Variants in GRM1 observed in about 807,000 individuals in gnomAD.
The protein encoded by GRM1 is metabotropic glutamate receptor 1.
A neutral mutation model predicts 90.9 loss-of-function variants in GRM1; 33 were observed. The observed-to-expected ratio is 0.36, with a 90% CI of 0.28 to 0.49. The LOEUF is 0.49. Among genes scored for constraint, GRM1 ranks in the 20% least tolerant of loss-of-function variants. GRM1 has a pLI of 0.99. For missense variants in GRM1, 1,190 were observed against 1,534.3 expected (o/e 0.78, Z 3.75); for synonymous variants, 700 against 613.2 (o/e 1.14, Z -2.09).
intron 2 of GRM1, among the ~76,000 whole-genome samples, chr6:146,274,797 A>G (rs914171845): frequency 1.3e-5 from 2 of 152,206 alleles, no homozygotes; most frequent in Non-Finnish European, 2.9e-5. Flanking sequence ...TAGTCACATG[A>G]CACAAAAATG....
intron 2 of GRM1, among the ~76,000 whole-genome samples, chr6:146,294,550 C>A (rs1370806348): frequency 6.6e-6 from 1 of 151,980 alleles, no homozygotes; most frequent in Non-Finnish European, 1.5e-5. Flanking sequence ...AAGAAGGAGA[C>A]CTTATACATG....
At chr6:146,069,647 A>T (rs1775962720) in intron 1 of GRM1, among the ~76,000 whole-genome samples, 1 of 152,188 alleles carries the variant, frequency 6.6e-6, no homozygotes, top group African/African-American at 2.4e-5. Context: ...AACACTGTCA[A>T]TTCCAAGTTG....
chr6:146,394,842 C>A (rs913389580), intron 6 of GRM1, among the ~76,000 whole-genome samples: 9 of 152,114 alleles, frequency 5.9e-5, no homozygotes, highest in Non-Finnish European at 1.3e-4. Context: ...CAACCATATA[C>A]AATCCATCTG....
At chr6:146,160,449 A>G (rs1044179489) in intron 2 of GRM1, among the ~76,000 whole-genome samples, 1 of 152,208 alleles carries the variant, frequency 6.6e-6, no homozygotes, top group Non-Finnish European at 1.5e-5. Context: ...CTAATATTGC[A>G]TAAATAACCT....
chr6:146,380,247 A>C (rs6905525), intron 5 of GRM1, among the ~76,000 whole-genome samples: 66,249 of 151,892 alleles, frequency 0.44, 14,593 homozygotes, highest in African/African-American at 0.5. Context: ...TGGGAGTCAA[A>C]GACTAGAGTC....
chr6:146,397,501 A>T (rs999860767), intron 6 of GRM1, among the ~76,000 whole-genome samples: 111 of 151,324 alleles, frequency 7.3e-4, no homozygotes, highest in Non-Finnish European at 1.3e-3. Context: ...AAAAAAAAAA[A>T]AAAAGCACAA....
chr6:146,098,294 A>G (rs1672341426), intron 1 of GRM1, among the ~76,000 whole-genome samples: 1 of 152,200 alleles, frequency 6.6e-6, no homozygotes, highest in African/African-American at 2.4e-5. Flanking sequence ...TGCCTTGGTA[A>G]GTTGCTTACC....
chr6:146,085,475 T>C (rs1021155933), intron 1 of GRM1, among the ~76,000 whole-genome samples: 2 of 152,156 alleles, frequency 1.3e-5, no homozygotes, highest in African/African-American at 4.8e-5. Flanking sequence ...TGACCAGCTG[T>C]TTTTAGATCA....
intron 1 of GRM1, among the ~76,000 whole-genome samples, chr6:146,047,586 A>C (rs1011404144): frequency 1.3e-5 from 2 of 151,742 alleles, no homozygotes; most frequent in Admixed American, 1.3e-4. Flanking sequence ...AAAAAAAAAA[A>C]AAAAACCTGC....
chr6:146,205,930 C>T (rs924271179), intron 2 of GRM1, among the ~76,000 whole-genome samples: 6 of 152,110 alleles, frequency 3.9e-5, no homozygotes, highest in African/African-American at 1.2e-4. Context: ...CCCAGGGAGG[C>T]GGGAGCAGAG....
intron 3 of GRM1, among the ~76,000 whole-genome samples, chr6:146,313,110 A>G (rs1783833601): frequency 6.6e-6 from 1 of 152,238 alleles, no homozygotes; most frequent in Non-Finnish European, 1.5e-5. Context: ...GACTTGAGGT[A>G]TAAAAATGGA....
chr6:146,309,918 A>G (rs1783717388), intron 3 of GRM1, among the ~76,000 whole-genome samples: 1 of 152,222 alleles, frequency 6.6e-6, no homozygotes, highest in African/African-American at 2.4e-5. Context: ...TAACTGTATG[A>G]GTTCATGGGG....
At chr6:146,173,389 C>CAAA (rs71028382) in intron 2 of GRM1, among the ~76,000 whole-genome samples, 1 of 82,480 alleles carries the variant, frequency 1.2e-5, no homozygotes, top group African/African-American at 4.1e-5. Context: ...AACTCTGTCT[C>CAAA]AAAAAAAAAA....
chr6:146,280,119 T>C lies in GRM1; in HGVS notation c.951-24492T>C, dbSNP rs1782513459. 1.3e-5 allele frequency among the ~76,000 whole-genome samples: 2 copies of C among 152,184 alleles called. 1 individual carries two copies. The highest frequency in any genetic ancestry group is 4.1e-4 in the South Asian group (2 of 4,828). ...TTGCTCTCATCTTCTTGGACTTCAATTATGTGCACATTTCTGCCACCCTGA... is the reference window on the plus strand; with the variant it reads ...TTGCTCTCATCTTCTTGGACTTCAACTATGTGCACATTTCTGCCACCCTGA... On this transcript the variant is annotated intron_variant, in intron 2 of 7. Transcript: ENST00000282753.
At chr6:146,407,884 C>T (rs186010787) in intron 7 of GRM1, among the ~76,000 whole-genome samples, 3 of 152,300 alleles carry the variant, frequency 2.0e-5, no homozygotes, top group East Asian at 1.9e-4. Flanking sequence ...GTTACAATCT[C>T]ATTGTGTGCA....
At chr6:146,377,664 T>A (rs1291441587) in intron 5 of GRM1, among the ~76,000 whole-genome samples, 1 of 152,112 alleles carries the variant, frequency 6.6e-6, no homozygotes, top group Non-Finnish European at 1.5e-5. Context: ...GCATAAGCAA[T>A]GAGTAGCCCA....
At chr6:146,177,599 G>GA (rs151157502) in intron 2 of GRM1, among the ~76,000 whole-genome samples, 1 of 151,876 alleles carries the variant, frequency 6.6e-6, no homozygotes, top group Admixed American at 6.6e-5. Context: ...TACTGTTTTG[G>GA]AAAAAAATGA....
intron 2 of GRM1, among the ~76,000 whole-genome samples, chr6:146,178,617 C>T (rs374695787): frequency 6.6e-6 from 1 of 152,156 alleles, no homozygotes; most frequent in Non-Finnish European, 1.5e-5. Context: ...CTCATGTCTT[C>T]TGCGCTCAAT....
intron 1 of GRM1, among the ~76,000 whole-genome samples, chr6:146,144,611 TA>T (rs1423739523): frequency 4.6e-5 from 7 of 152,144 alleles, no homozygotes; most frequent in Non-Finnish European, 1.0e-4. Flanking sequence ...TTATAAGCAA[TA>T]AAAAACAGAC....
Sources: allele counts gnomAD v4.1 joint callset (sites outside exome capture counted in the v4.1 genomes callset), GRCh38; gene constraint gnomAD v4.1.1; transcripts MANE v1.5; gene names NCBI Gene and HGNC (gene_info 2026-07-23, HGNC 2026-07-21).